EHBP1: variants seen among roughly 807,000 people sequenced by gnomAD.
EHBP1 encodes EH domain-binding protein 1.
In EHBP1, 55 loss-of-function variants were observed where a neutral mutation model predicts 144.0. The observed-to-expected ratio is 0.38, with a 90% CI of 0.31 to 0.48. The LOEUF (loss-of-function observed/expected upper bound fraction) is 0.48. EHBP1 is among the 20% of genes least tolerant of loss of function. The probability of loss-of-function intolerance (pLI) is 0.98; values close to 1 mark genes in which losing one functional copy is unlikely to be tolerated. For synonymous variants in EHBP1, 469 were observed against 472.7 expected (o/e 0.99, Z 0.10); for missense variants, 1,200 against 1,364.2 (o/e 0.88, Z 1.90).
At position 62,769,438 on chromosome 2, in the gene EHBP1, A is replaced by G. The variant is rs142025689; in HGVS notation, c.259-1901A>G. Among the ~76,000 whole-genome samples, 1,202 of 152,310 alleles carry G rather than the reference A, an allele frequency of 7.9e-3. 15 individuals carry two copies. The highest frequency in any genetic ancestry group is 0.027 in the African/African-American group (1,123 of 41,562). On this transcript the variant is annotated intron_variant, in intron 4 of 22. Coordinates refer to ENST00000431489, the MANE Select transcript of EHBP1 (RefSeq NM_001142616.3). ...CCCAAAAATAATAAAATACCTAGGA[A>G]TACAGCTAACCAGGGAGGTGAAAGA...
At chr2:62,973,477 A>G (rs552948358) in intron 14 of EHBP1, among the ~76,000 whole-genome samples, 2 of 152,362 alleles carry the variant, frequency 1.3e-5, no homozygotes, top group African/African-American at 4.8e-5. Context: ...CTCTGGAGTG[A>G]AACAGACCTG....
At position 62,955,521 on chromosome 2, in the gene EHBP1, G is replaced by A. The variant is rs746471168; in HGVS notation, c.2321G>A (p.Arg774Gln). 90 of 1,600,502 alleles carry A rather than the reference G, an allele frequency of 5.6e-5. No homozygotes were observed. Among genetic ancestry groups the A allele is most frequent in the Non-Finnish European group, 5.9e-5 (69 of 1,173,772 alleles). Residue 774 changes from arginine to glutamine, a missense_variant, in exon 14 of 23, where the codon CGA becomes CAA. This residue lies in a region of EHBP1 where 543 missense variants were observed against 513.1 expected (regional missense o/e 1.06). Transcript: ENST00000431489. Reference sequence around the variant, plus strand: ...TTCTGTATCTTTGCTTTTAAGCATCGATTGTTATCTAGACAAGAAGAACTT... The same window carrying A: ...TTCTGTATCTTTGCTTTTAAGCATCAATTGTTATCTAGACAAGAAGAACTT... ...ADHSSKIVQH[R>Q]LLSRQEELKE...
intron 5 of EHBP1, 61 bp from the exon 6 acceptor site, chr2:62,826,026 T>C (rs978731521): frequency 2.2e-5 from 27 of 1,239,560 alleles, no homozygotes; most frequent in Non-Finnish European, 2.8e-5. Context: ...AATCGTACTT[T>C]AAAATGTTTG....
chr2:63,015,530 A>G (rs2060452308), intron 19 of EHBP1, among the ~76,000 whole-genome samples: 1 of 151,832 alleles, frequency 6.6e-6, no homozygotes. Flanking sequence ...TTGTTTGTTT[A>G]GAGACAGGGT....
intron 10 of EHBP1, among the ~76,000 whole-genome samples, chr2:62,919,670 G>A (rs529699035): frequency 3.3e-5 from 5 of 152,240 alleles, no homozygotes; most frequent in African/African-American, 1.2e-4. Flanking sequence ...AAGAAACCAA[G>A]AGGAACTGTA....
intron 5 of EHBP1, among the ~76,000 whole-genome samples, chr2:62,822,841 A>G (rs2046082470): frequency 6.6e-6 from 1 of 152,198 alleles, no homozygotes; most frequent in African/African-American, 2.4e-5. Flanking sequence ...AGTCGAATCC[A>G]GGTTTGTCTG....
intron 18 of EHBP1, 52 bp downstream of exon 18, chr2:62,994,029 T>C (rs764715867): frequency 1.5e-6 from 2 of 1,291,280 alleles, no homozygotes; most frequent in Non-Finnish European, 2.2e-6. Context: ...CCAAACTGTA[T>C]GTGGAAATAG....
chr2:62,998,073 C>T (rs1215076466), intron 19 of EHBP1, among the ~76,000 whole-genome samples: 1 of 152,134 alleles, frequency 6.6e-6, no homozygotes, highest in Non-Finnish European at 1.5e-5. Flanking sequence ...TTAATCTTCT[C>T]ATTATATAGG....
At chr2:63,037,025 T>G (rs918968040) in intron 19 of EHBP1, among the ~76,000 whole-genome samples, 24 of 151,886 alleles carry the variant, frequency 1.6e-4, no homozygotes, top group African/African-American at 5.8e-4. Context: ...TCTACCCTAT[T>G]AGGGATGATG....
At chr2:62,932,410 G>T (rs927907880) in intron 10 of EHBP1, among the ~76,000 whole-genome samples, 1 of 152,132 alleles carries the variant, frequency 6.6e-6, no homozygotes, top group African/African-American at 2.4e-5. Context: ...AGGAAATCTT[G>T]TCACATGCTA....
At chr2:62,711,790 T>C (rs1358422705) in intron 2 of EHBP1, among the ~76,000 whole-genome samples, 1 of 152,036 alleles carries the variant, frequency 6.6e-6, no homozygotes, top group Non-Finnish European at 1.5e-5. Flanking sequence ...AAGGGAGTAT[T>C]TGGCTGTGTC....
At chr2:62,979,890 A>T (rs1485701954) in intron 15 of EHBP1, among the ~76,000 whole-genome samples, 1 of 152,162 alleles carries the variant, frequency 6.6e-6, no homozygotes, top group Non-Finnish European at 1.5e-5. Flanking sequence ...GGCTATATAT[A>T]TATAAAATTA....
intron 2 of EHBP1, among the ~76,000 whole-genome samples, chr2:62,740,465 T>G (rs1209137653): frequency 6.6e-6 from 1 of 152,176 alleles, no homozygotes; most frequent in East Asian, 1.9e-4. Flanking sequence ...ATGTACCTAC[T>G]GAAGGATAAA....
In EHBP1 at chr2:62,752,078, G is replaced by C. The variant is rs144428114; in HGVS notation, c.162+4626G>C. 1.9e-3 allele frequency among the ~76,000 whole-genome samples: 294 copies of C among 151,912 alleles called. 1 individual carries two copies. The highest frequency in any genetic ancestry group is 6.7e-3 in the African/African-American group (279 of 41,410). Reference sequence around the variant, plus strand: ...CTAGTTCTTTTAATTGTGATGTTAGGGTGTCAGTTTTAGATCTTTCCTGCT... The same window carrying C: ...CTAGTTCTTTTAATTGTGATGTTAGCGTGTCAGTTTTAGATCTTTCCTGCT... On this transcript the variant is annotated intron_variant, in intron 3 of 22. Coordinates refer to ENST00000431489, the MANE Select transcript of EHBP1 (RefSeq NM_001142616.3).
chr2:62,864,482 G>T (rs1056186432), intron 8 of EHBP1, among the ~76,000 whole-genome samples: 9 of 152,112 alleles, frequency 5.9e-5, no homozygotes, highest in African/African-American at 2.2e-4. Context: ...AAACAGTAAT[G>T]ATCCAAAAAT....
chr2:62,801,773 A>G (rs2044007340), intron 5 of EHBP1, among the ~76,000 whole-genome samples: 1 of 152,230 alleles, frequency 6.6e-6, no homozygotes, highest in Admixed American at 6.5e-5. Context: ...GGTTTGTTGT[A>G]TATTTCTTAA....
At chr2:62,830,193 CACATAT>C (rs1318795581) in intron 6 of EHBP1, among the ~76,000 whole-genome samples, 9 of 106,522 alleles carry the variant, frequency 8.4e-5, no homozygotes, top group Admixed American at 4.1e-4. Flanking sequence ...CACACACACA[CACATAT>C]ATATACACAT....
intron 10 of EHBP1, among the ~76,000 whole-genome samples, chr2:62,911,931 G>A (rs1158902175): frequency 2.0e-5 from 3 of 152,080 alleles, no homozygotes; most frequent in South Asian, 2.1e-4. Context: ...TACTTTAAAC[G>A]AATCTCCTAA....
intron 3 of EHBP1, among the ~76,000 whole-genome samples, chr2:62,759,753 C>T (rs186079025): frequency 9.9e-5 from 15 of 152,248 alleles, no homozygotes; most frequent in Non-Finnish European, 1.5e-5. Context: ...AAATTAGTGT[C>T]TCTGTGGGTT....
Sources: gnomAD v4.1 joint callset for allele counts (sites outside exome capture counted in the v4.1 genomes callset) on GRCh38, gnomAD v4.1.1 for gene constraint, gnomAD v4.1.1 regional missense constraint, MANE v1.5 for transcripts, NCBI Gene and HGNC (gene_info 2026-07-23, HGNC 2026-07-21) for gene names.